Variants in CADM2 observed in about 807,000 individuals in gnomAD.
CADM2 encodes cell adhesion molecule 2.
A neutral mutation model predicts 49.8 loss-of-function variants in CADM2; 12 were observed. The observed-to-expected ratio is 0.24, with a 90% CI of 0.15 to 0.39. The LOEUF (loss-of-function observed/expected upper bound fraction) is 0.39. CADM2 is among the 10% of genes least tolerant of loss of function. The probability of loss-of-function intolerance (pLI) is 1.00; values close to 1 mark genes in which losing one functional copy is unlikely to be tolerated. For missense variants in CADM2, 378 were observed against 492.3 expected, an observed-to-expected ratio of 0.77 and a Z score of 2.20; for synonymous variants, 214 against 175.4, an observed-to-expected ratio of 1.22 and a Z score of -1.74.
intron 1 of CADM2, among the ~76,000 whole-genome samples, chr3:85,401,923 G>A (rs975413082): frequency 6.6e-6 from 1 of 152,032 alleles, no homozygotes; most frequent in Non-Finnish European, 1.5e-5. Flanking sequence ...AGAGATATTT[G>A]GATTTTTCTT....
At chr3:85,776,436 C>A (rs2070365919) in intron 2 of CADM2, among the ~76,000 whole-genome samples, 1 of 151,752 alleles carries the variant, frequency 6.6e-6, no homozygotes, top group South Asian at 2.1e-4. Flanking sequence ...AGTCAAATCA[C>A]CATTTTCATT....
At chr3:85,919,035 G>GC (rs1718755087) in intron 6 of CADM2, among the ~76,000 whole-genome samples, 1 of 151,962 alleles carries the variant, frequency 6.6e-6, no homozygotes, top group East Asian at 1.9e-4. Flanking sequence ...AATGAAAAGT[G>GC]CAAGAGACAG....
At chr3:85,193,405 G>C (rs1355423029) in intron 1 of CADM2, among the ~76,000 whole-genome samples, 1 of 151,848 alleles carries the variant, frequency 6.6e-6, no homozygotes, top group Admixed American at 6.6e-5. Context: ...AATTGTAAAA[G>C]CTTTTCATGG....
intron 8 of CADM2, among the ~76,000 whole-genome samples, chr3:86,002,356 A>G (rs1730289279): frequency 6.6e-6 from 1 of 152,094 alleles, no homozygotes; most frequent in Admixed American, 6.6e-5. Flanking sequence ...CCTTTCATTT[A>G]TGCCATTTTG....
At chr3:85,111,486 A>G (rs1353932645) in intron 1 of CADM2, among the ~76,000 whole-genome samples, 1 of 151,870 alleles carries the variant, frequency 6.6e-6, no homozygotes, top group Admixed American at 6.6e-5. Flanking sequence ...TTTAGAGATC[A>G]TTATGTTAAG....
chr3:85,336,346 T>G (rs2045077943), intron 1 of CADM2, among the ~76,000 whole-genome samples: 1 of 150,856 alleles, frequency 6.6e-6, no homozygotes, highest in Non-Finnish European at 1.5e-5. Context: ...TGCAATAATT[T>G]TATTTGTTAT....
intron 8 of CADM2, among the ~76,000 whole-genome samples, chr3:86,002,018 G>T (rs1340018748): frequency 6.6e-6 from 1 of 152,080 alleles, no homozygotes. Context: ...GGGAACAGAT[G>T]AGTGGATGAC....
intron 1 of CADM2, among the ~76,000 whole-genome samples, chr3:85,576,268 G>T (rs1167602925): frequency 1.3e-5 from 2 of 152,162 alleles, no homozygotes. Flanking sequence ...GGTAGGCAAG[G>T]CTGCCATCTA....
intron 3 of CADM2, among the ~76,000 whole-genome samples, chr3:85,821,956 T>G (rs2073602924): frequency 6.6e-6 from 1 of 152,188 alleles, no homozygotes; most frequent in Non-Finnish European, 1.5e-5. Flanking sequence ...CTTATAATTT[T>G]TTGTTATTCT....
chr3:85,486,368 G>A (rs2039417501), intron 1 of CADM2, among the ~76,000 whole-genome samples: 1 of 152,058 alleles, frequency 6.6e-6, no homozygotes, highest in African/African-American at 2.4e-5. Context: ...CAAACTGAAA[G>A]TCTGTCATAA....
chr3:85,153,159 T>G (rs1456034693), intron 1 of CADM2, among the ~76,000 whole-genome samples: 1 of 152,030 alleles, frequency 6.6e-6, no homozygotes, highest in East Asian at 2.0e-4. Context: ...ATTTCTGCAT[T>G]TCCATCAGAG....
chr3:85,936,276 C>T (rs896084320), intron 7 of CADM2, among the ~76,000 whole-genome samples: 7 of 151,652 alleles, frequency 4.6e-5, no homozygotes, highest in South Asian at 2.1e-4. Flanking sequence ...AAAGGAAAAT[C>T]GAATCTATAT....
At chr3:85,139,822 G>A (rs938618006) in intron 1 of CADM2, among the ~76,000 whole-genome samples, 1 of 152,058 alleles carries the variant, frequency 6.6e-6, no homozygotes, top group African/African-American at 2.4e-5. Flanking sequence ...GAAATGAGAG[G>A]TAATTACATT....
At chr3:85,833,564 GT>G (rs1553694395) in intron 3 of CADM2, among the ~76,000 whole-genome samples, 1 of 151,492 alleles carries the variant, frequency 6.6e-6, no homozygotes, top group South Asian at 2.1e-4. Flanking sequence ...GTCTTGTGAG[GT>G]TGTGTGTTTC....
At chr3:85,434,814 C>T (rs1322526813) in intron 1 of CADM2, among the ~76,000 whole-genome samples, 1 of 152,046 alleles carries the variant, frequency 6.6e-6, no homozygotes, top group Non-Finnish European at 1.5e-5. Flanking sequence ...GTTACTTGCT[C>T]AGGTTAATGT....
At chr3:85,595,886 G>A (rs370294105) in intron 1 of CADM2, among the ~76,000 whole-genome samples, 12 of 151,576 alleles carry the variant, frequency 7.9e-5, no homozygotes, top group African/African-American at 2.4e-4. Context: ...AAATAATTTC[G>A]TCTCTGTGAG....
intron 3 of CADM2, among the ~76,000 whole-genome samples, chr3:85,813,020 G>A (rs1453016348): frequency 6.6e-6 from 1 of 152,144 alleles, no homozygotes; most frequent in Non-Finnish European, 1.5e-5. Flanking sequence ...ATGTGTGCAT[G>A]TGTCTTTATA....
chr3:85,149,268 G>T (rs1350901781), intron 1 of CADM2, among the ~76,000 whole-genome samples: 2 of 152,050 alleles, frequency 1.3e-5, no homozygotes, highest in Non-Finnish European at 2.9e-5. Context: ...ATTAGGCCAT[G>T]GTATGAACAC....
At chr3:85,777,787 TA>T (rs1186470236) in intron 2 of CADM2, among the ~76,000 whole-genome samples, 1 of 152,180 alleles carries the variant, frequency 6.6e-6, no homozygotes. Flanking sequence ...CAAACCAATT[TA>T]AAGAAAAGCT....
Sources: allele counts gnomAD v4.1 joint callset (sites outside exome capture counted in the v4.1 genomes callset), GRCh38; gene constraint gnomAD v4.1.1; transcripts MANE v1.5; gene names NCBI Gene and HGNC (gene_info 2026-07-23, HGNC 2026-07-21).